CHD6: variants seen among roughly 807,000 people sequenced by gnomAD.
CHD6 encodes ATP-dependent chromatin remodeler CHD6.
A neutral mutation model predicts 276.9 loss-of-function variants in CHD6; 50 were observed. The ratio of observed to expected loss-of-function variants is 0.18; its 90% CI spans 0.14 to 0.23. CHD6 has a LOEUF of 0.23. Among genes scored for constraint, CHD6 ranks in the 10% least tolerant of loss-of-function variants. CHD6 has a pLI of 1.00. For missense variants in CHD6, 2,564 were observed against 3,365.8 expected (o/e 0.76, Z 5.89); for synonymous variants, 1,173 against 1,229.3 (o/e 0.95, Z 0.96).
chr20:41,527,075 A>C (rs2044557139), intron 3 of CHD6, among the ~76,000 whole-genome samples: 1 of 152,220 alleles, frequency 6.6e-6, no homozygotes. Context: ...ATATGTGTGG[A>C]AATTCCAAAG....
chr20:41,468,508 C>T (rs2042981135), intron 17 of CHD6, among the ~76,000 whole-genome samples: 1 of 152,162 alleles, frequency 6.6e-6, no homozygotes, highest in South Asian at 2.1e-4. Context: ...GTCTGCCTAT[C>T]CTACTGAAAT....
intron 16 of CHD6, among the ~76,000 whole-genome samples, chr20:41,476,215 G>A (rs2043164345): frequency 6.6e-6 from 1 of 152,058 alleles, no homozygotes; most frequent in Admixed American, 6.5e-5. Context: ...TTTCCACACT[G>A]AACTTCAGCA....
intron 16 of CHD6, among the ~76,000 whole-genome samples, chr20:41,474,308 G>A (rs961475401): frequency 6.6e-6 from 1 of 152,126 alleles, no homozygotes; most frequent in Non-Finnish European, 1.5e-5. Context: ...AAAAGAATAA[G>A]AAATGAAACT....
chr20:41,530,754 T>C (rs548384318), intron 3 of CHD6, among the ~76,000 whole-genome samples: 6 of 152,306 alleles, frequency 3.9e-5, no homozygotes, highest in Admixed American at 1.3e-4. Flanking sequence ...TACAGATCAA[T>C]GTAATATAAC....
At chr20:41,461,245 G>A (rs2048538055) in intron 17 of CHD6, among the ~76,000 whole-genome samples, 1 of 152,198 alleles carries the variant, frequency 6.6e-6, no homozygotes, top group Admixed American at 6.5e-5. Flanking sequence ...TTGGACTGTG[G>A]ACTTTTGGGT....
At chr20:41,541,635 G>C (rs2146111460) in intron 2 of CHD6, among the ~76,000 whole-genome samples, 1 of 152,278 alleles carries the variant, frequency 6.6e-6, no homozygotes, top group South Asian at 2.1e-4. Flanking sequence ...GAAGTTGGTG[G>C]GAAAAAATGT....
intron 1 of CHD6, among the ~76,000 whole-genome samples, chr20:41,598,076 T>C (rs1385791461): frequency 6.6e-6 from 1 of 152,142 alleles, no homozygotes; most frequent in Non-Finnish European, 1.5e-5. Flanking sequence ...TCCCTAAAAC[T>C]ATACAATTGT....
chr20:41,561,952 A>T (rs1466114321), intron 1 of CHD6, among the ~76,000 whole-genome samples: 2 of 152,042 alleles, frequency 1.3e-5, no homozygotes, highest in Non-Finnish European at 2.9e-5. Context: ...ATTCTTTCTC[A>T]ATCTGGAAAC....
At chr20:41,493,756 T>C (rs1264825071) in intron 9 of CHD6, 84 bp from the exon 10 acceptor site, 1 of 1,562,406 alleles carries the variant, frequency 6.4e-7, no homozygotes, top group Non-Finnish European at 8.8e-7. Context: ...AAAACCACCC[T>C]ACGTGACTAG....
At chr20:41,417,384 A>G (rs1223225378) in intron 31 of CHD6, 35 bp from the exon 32 acceptor site, 1 of 1,590,946 alleles carries the variant, frequency 6.3e-7, no homozygotes, top group African/African-American at 1.3e-5. Context: ...CAGGCACTTA[A>G]CTATAGTAGT....
chr20:41,469,019 A>AG (rs557179937), intron 17 of CHD6, among the ~76,000 whole-genome samples: 1 of 152,088 alleles, frequency 6.6e-6, no homozygotes, highest in Non-Finnish European at 1.5e-5. Context: ...GGTAAGAAAT[A>AG]GGGGGTGCAA....
chr20:41,445,656 AAT>A lies in CHD6; in HGVS notation c.3877+7_3877+8del. The A allele has an allele frequency of 6.3e-7, 1 of 1,598,384 alleles. No homozygotes were observed. Among genetic ancestry groups the A allele is most frequent in the Non-Finnish European group, 8.6e-7 (1 of 1,165,788 alleles). ...ATACAGAAGGGAACGCCTTCAGAGA[AAT>A]ACACACCATGCTTGAACACGCCAAT... On this transcript the variant is annotated splice_region_variant and intron_variant, in intron 25 of 36. Coordinates refer to ENST00000373233, the MANE Select transcript of CHD6 (RefSeq NM_032221.5).
intron 1 of CHD6, among the ~76,000 whole-genome samples, chr20:41,555,031 C>G (rs1263483167): frequency 6.9e-6 from 1 of 145,712 alleles, no homozygotes; most frequent in African/African-American, 2.5e-5. Context: ...ACCTCCCTCC[C>G]GGACGGGGCG....
intron 5 of CHD6, among the ~76,000 whole-genome samples, chr20:41,507,503 A>G (rs2044005643): frequency 6.6e-6 from 1 of 152,220 alleles, no homozygotes. Flanking sequence ...TGAAACGAAA[A>G]GGGAGCAGCC....
intron 31 of CHD6, 111 bp downstream of exon 31, chr20:41,420,397 G>A: frequency 8.4e-7 from 1 of 1,195,190 alleles, no homozygotes; most frequent in Non-Finnish European, 1.2e-6. Context: ...AGGGTAGGCA[G>A]GTCTGTTTCA....
intron 1 of CHD6, among the ~76,000 whole-genome samples, chr20:41,574,156 G>T (rs1309701631): frequency 1.0e-5 from 1 of 96,374 alleles, no homozygotes; most frequent in African/African-American, 4.0e-5. Context: ...GGTGGGGGAG[G>T]AAGGAAGAGA....
At position 41,482,511 on chromosome 20, in the gene CHD6, A is replaced by C. The variant is rs756190797; in HGVS notation, c.2468+798T>G. ...TGTTAAAGAATAAGAACATCTGTTA[A>C]GACACCCGAGATTTGCTATGAAAAC... On this transcript the variant is annotated intron_variant, in intron 16 of 36. Coordinates refer to ENST00000373233, the MANE Select transcript of CHD6 (RefSeq NM_032221.5). The C allele has an allele frequency of 1.8e-5, 9 of 510,282 alleles. No homozygotes were observed. In the East Asian group the frequency reaches 5.0e-4, roughly 28 times the overall value. The allele number at this position is 510,282 out of a possible 1,614,324, so 31.6% of individuals were successfully genotyped here. A position where few individuals can be genotyped will look rare whatever the true frequency, so the allele number is the denominator to read the frequency against.
At chr20:41,612,186 G>A (rs2045893906) in intron 1 of CHD6, among the ~76,000 whole-genome samples, 1 of 152,170 alleles carries the variant, frequency 6.6e-6, no homozygotes, top group South Asian at 2.1e-4. Flanking sequence ...TTCTTTTCAA[G>A]TTCTGTACTC....
At position 41,594,442 on chromosome 20, in the gene CHD6, T is replaced by G. The variant is rs1461324345; in HGVS notation, c.-24+23898A>C. 2.0e-5 allele frequency among the ~76,000 whole-genome samples: 3 copies of G among 152,236 alleles called. No homozygotes were observed. In the East Asian group the frequency reaches 5.8e-4, roughly 29 times the overall value. ...GCTCCACTTCACACCTCCACATCTG[T>G]GCACGAGCTATCATGCCCTTTGACT... On this transcript the variant is annotated intron_variant, in intron 1 of 36. Coordinates refer to ENST00000373233, the MANE Select transcript of CHD6 (RefSeq NM_032221.5).
Sources: gnomAD v4.1 joint callset for allele counts (sites outside exome capture counted in the v4.1 genomes callset) on GRCh38, gnomAD v4.1.1 for gene constraint, MANE v1.5 for transcripts, NCBI Gene and HGNC (gene_info 2026-07-23, HGNC 2026-07-21) for gene names.